Variants in TST observed in about 807,000 individuals in gnomAD.
TST encodes thiosulfate sulfurtransferase.
In TST, 22 loss-of-function variants were observed where a neutral mutation model predicts 20.4. The ratio of observed to expected loss-of-function variants is 1.08; its 90% CI spans 0.77 to 1.54. The LOEUF (loss-of-function observed/expected upper bound fraction) is 1.54, where lower values mean the gene tolerates loss of function less well. TST is among the 40% of genes most tolerant of loss of function. The probability of loss-of-function intolerance (pLI) is 0.00; values close to 1 mark genes in which losing one functional copy is unlikely to be tolerated. For missense variants in TST, 392 were observed against 405.2 expected (o/e 0.97, Z 0.28); for synonymous variants, 187 against 173.8 (o/e 1.08, Z -0.60).
intron 2 of TST, among the ~76,000 whole-genome samples, chr22:37,013,020 C>T (rs1377917585): frequency 6.6e-6 from 1 of 151,784 alleles, no homozygotes; most frequent in Non-Finnish European, 1.5e-5. Flanking sequence ...GCAGCCTAGG[C>T]AGCAAGAGCG....
intron 2 of TST, among the ~76,000 whole-genome samples, chr22:37,011,706 A>G (rs2145894168): frequency 6.6e-6 from 1 of 152,342 alleles, no homozygotes; most frequent in South Asian, 2.1e-4. Context: ...TGTTGAGAAG[A>G]GCAAATGGGA....
chr22:37,012,189 A>G (rs5756478), intron 2 of TST, among the ~76,000 whole-genome samples: 69,375 of 152,008 alleles, frequency 0.46, 15,967 homozygotes, highest in East Asian at 0.52. Flanking sequence ...CAGCCACTTC[A>G]CCACCCATGG....
intron 2 of TST, among the ~76,000 whole-genome samples, chr22:37,011,894 G>A (rs929814660): frequency 2.6e-5 from 4 of 152,098 alleles, no homozygotes; most frequent in South Asian, 4.2e-4. Context: ...AAAACAACAC[G>A]GCTCACCTAA....
Position 37,018,295 on chromosome 22 carries a change from T to G in TST, c.438A>C (p.Ser146=). 1 of 1,614,038 alleles carries G rather than the reference T, an allele frequency of 6.2e-7. No homozygotes were observed. The highest frequency in any genetic ancestry group is 8.5e-7 in the Non-Finnish European group (1 of 1,180,018). The change falls in exon 2 of 3, where the codon TCA becomes TCC. Residue 146 remains serine, a synonymous_variant. Coordinates refer to ENST00000249042, the MANE Select transcript of TST (RefSeq NM_003312.6). ...CTTTGAAGACGGCCGGTTCTGGGCGTGAGGGCTCGGATGTCACCGGGTGGC... is the reference window on the plus strand; with the variant it reads ...CTTTGAAGACGGCCGGTTCTGGGCGGGAGGGCTCGGATGTCACCGGGTGGC... ...KEGHPVTSEP[S]RPEPAVFKAT...
chr22:37,018,823 G>A (rs1235936605), intron 1 of TST, 70 bp from the exon 2 acceptor site: 3 of 1,127,688 alleles, frequency 2.7e-6, no homozygotes, highest in East Asian at 2.7e-5. Flanking sequence ...AGTAGGGTGA[G>A]GCCTGGGAGA....
rs757884977 is a variant in TST, at chr22:37,018,410, T to C, written c.323A>G (p.Tyr108Cys). Residue 108 changes from tyrosine to cysteine, a missense_variant, in exon 2 of 3, where the codon TAT (tyrosine) becomes TGT (cysteine). Tyr to Cys is a radical substitution (Grantham distance 194). Coordinates refer to ENST00000249042, the MANE Select transcript of TST (RefSeq NM_003312.6). ...VYDGEHLGSF[Y>C]APRVWWMFRV... ...GAACATCCACCAGACCCGGGGAGCA[T>C]AGAAGCTGCCCAGGTGTTCACCATC... The C allele has an allele frequency of 8.1e-6, 13 of 1,613,492 alleles. No individual in the cohort carries two copies. The highest frequency in any genetic ancestry group is 1.6e-4 in the Middle Eastern group (1 of 6,084).
Position 37,011,288 on chromosome 22 carries a change from C to T in TST, c.633G>A (p.Met211Ile). ...CCTCAGTCAGGAAGTCCATGAAAGG[C>T]ATGTTGACGGCACCACGGATATGGC... Reference protein sequence around the residue: ...DSGHIRGAVNMPFMDFLTEDG... With the variant: ...DSGHIRGAVNIPFMDFLTEDG... Residue 211 changes from methionine (M) to isoleucine (I), a missense_variant, in exon 3 of 3, where the codon ATG becomes ATA. Transcript: ENST00000249042. 1 of 1,613,700 alleles carries T rather than the reference C, an allele frequency of 6.2e-7. No individual in the cohort carries two copies. Among genetic ancestry groups the T allele is most frequent in the Non-Finnish European group, 8.5e-7 (1 of 1,179,846 alleles).
chr22:37,018,636 C>A lies in TST; in HGVS notation c.97G>T (p.Asp33Tyr). 2 of 1,570,280 alleles carry A rather than the reference C, an allele frequency of 1.3e-6. No homozygotes were observed. The highest frequency in any genetic ancestry group is 8.6e-7 in the Non-Finnish European group (1 of 1,157,322). The change falls in exon 2 of 3, where the codon GAC (aspartate) becomes TAC (tyrosine). Residue 33 changes from aspartate to tyrosine, a missense_variant. Transcript: ENST00000249042. ...GTGCCTGGTGAGTACCAGGACGCGT[C>A]CAGCACCCGCAGGCCGGGCCCCAGC... ...GKLGPGLRVL[D>Y]ASWYSPGTRE...
intron 1 of TST, chr22:37,019,055 T>G: frequency 1.1e-5 from 3 of 276,872 alleles, no homozygotes; most frequent in Non-Finnish European, 1.4e-5. Flanking sequence ...GAAGTTACAG[T>G]ACTCGATCCC....
intron 2 of TST, among the ~76,000 whole-genome samples, chr22:37,011,845 T>TAC (rs1210451716): frequency 3.3e-5 from 5 of 152,144 alleles, no homozygotes; most frequent in Non-Finnish European, 5.9e-5. Context: ...ACTAATCAGA[T>TAC]ATGTCCCCAT....
Position 37,018,763 on chromosome 22 carries a change from G to C in TST, c.-21-10C>G. 6.9e-7 allele frequency: 1 copy of C among 1,447,294 alleles called. No individual in the cohort carries two copies. Among genetic ancestry groups the C allele is most frequent in the Non-Finnish European group, 9.1e-7 (1 of 1,102,622 alleles). The allele number at this position is 1,447,294 out of a possible 1,614,324, so 89.7% of individuals were successfully genotyped here. A position where few individuals can be genotyped will look rare whatever the true frequency, so the allele number is the denominator to read the frequency against. ...CAGCTCTGCGTGTCACCTGGCACGG[G>C]TGGGAACCAGGAAAGAGAGACAGGC... On this transcript the variant is annotated splice_polypyrimidine_tract_variant and intron_variant, in intron 1 of 2. Coordinates refer to ENST00000249042, the MANE Select transcript of TST (RefSeq NM_003312.6).
Position 37,018,847 on chromosome 22 carries a change from TC to T in TST, c.-21-95del, listed in dbSNP as rs1601450496. Reference sequence around the variant, plus strand: ...AGGCCTGGGAGAAGCTCTTTCTCCCTCCGCACTCCCCCGGGTTCCTTGTTTA... The same window carrying T: ...AGGCCTGGGAGAAGCTCTTTCTCCCTCGCACTCCCCCGGGTTCCTTGTTTA... On this transcript the variant is annotated intron_variant, in intron 1 of 2. Coordinates refer to ENST00000249042, the MANE Select transcript of TST (RefSeq NM_003312.6). 9 of 859,198 alleles carry T rather than the reference TC, an allele frequency of 1.0e-5. No homozygotes were observed. The East Asian group carries it at 2.6e-4, about 25-fold the overall frequency. 53.2% of individuals were successfully genotyped at this position (859,198 alleles called of 1,614,324 possible).
At chr22:37,012,577 C>A (rs187616435) in intron 2 of TST, among the ~76,000 whole-genome samples, 1 of 152,352 alleles carries the variant, frequency 6.6e-6, no homozygotes, top group Non-Finnish European at 1.5e-5. Flanking sequence ...GCCCTCCTTG[C>A]TCCCCAAATC....
intron 2 of TST, 141 bp downstream of exon 2, chr22:37,017,997 T>G: frequency 3.1e-6 from 2 of 642,078 alleles, no homozygotes; most frequent in East Asian, 3.0e-5. Context: ...CACTTTCTGG[T>G]TTTATCGATG....
intron 2 of TST, 89 bp downstream of exon 2, chr22:37,018,049 G>T: frequency 9.8e-7 from 1 of 1,022,518 alleles, no homozygotes; most frequent in Non-Finnish European, 1.4e-6. Flanking sequence ...GGCATGGGAC[G>T]GACCCTGGAG....
chr22:37,013,851 G>C (rs1922570969), intron 2 of TST, among the ~76,000 whole-genome samples: 1 of 151,998 alleles, frequency 6.6e-6, no homozygotes, highest in Non-Finnish European at 1.5e-5. Flanking sequence ...ATCCTGTTTT[G>C]TTGTCCCCAT....
intron 2 of TST, among the ~76,000 whole-genome samples, chr22:37,015,760 A>G (rs550719854): frequency 6.6e-6 from 1 of 151,806 alleles, no homozygotes; most frequent in African/African-American, 2.4e-5. Flanking sequence ...CTGATCCCAC[A>G]CCACGCTGGG....
rs1307341343 is a variant in TST at position 37,018,349 on chromosome 22, A to G, written c.384T>C (p.Asn128=). The G allele has an allele frequency of 2.5e-6, 4 of 1,614,012 alleles. No individual in the cohort carries two copies. The South Asian group carries it at 4.4e-5, about 18-fold the overall frequency. The part of the protein sequence containing the change: ...VFGHRTVSVL[N]GGFRNWLKEG... ...CCTTCAGCCAGTTCCGGAAGCCACC[A>G]TTGAGCACTGATACGGTGCGGTGGC... The change falls in exon 2 of 3, where the codon AAT becomes AAC. Residue 128 remains asparagine (N), a synonymous_variant. Transcript: ENST00000249042.
intron 2 of TST, among the ~76,000 whole-genome samples, chr22:37,015,915 T>C (rs1042293357): frequency 5.4e-5 from 8 of 148,186 alleles, no homozygotes; most frequent in Non-Finnish European, 1.2e-4. Context: ...CTTCTTGAAA[T>C]CCCTTTCCAG....
Sources: allele counts gnomAD v4.1 joint callset (sites outside exome capture counted in the v4.1 genomes callset), GRCh38; gene constraint gnomAD v4.1.1; transcripts MANE v1.5; gene names NCBI Gene and HGNC (gene_info 2026-07-23, HGNC 2026-07-21).